The following C7orf57 variants were observed in gnomAD, a reference collection of about 807,000 sequenced individuals.
C7orf57 encodes the protein chromosome 7 open reading frame 57.
Under a neutral mutation model 39.0 loss-of-function variants are expected in C7orf57, and 33 were observed. That is an observed-to-expected ratio of 0.85 (90% confidence interval 0.64 to 1.13). C7orf57 has a LOEUF of 1.13. Ranked by LOEUF, C7orf57 falls within the 50% of genes most tolerant of loss-of-function variation. C7orf57 has a pLI of 0.00. For synonymous variants in C7orf57, 124 were observed against 137.1 expected, an observed-to-expected ratio of 0.90 and a Z score of 0.67; for missense variants, 346 against 362.3, an observed-to-expected ratio of 0.95 and a Z score of 0.37.
chr7:48,039,653 C>T (rs1205644792), intron 2 of C7orf57, among the ~76,000 whole-genome samples: 1 of 152,176 alleles, frequency 6.6e-6, no homozygotes, highest in Non-Finnish European at 1.5e-5. Flanking sequence ...TAAAATAATG[C>T]TTTACCAATA....
At position 48,052,754 on chromosome 7, in the gene C7orf57, T is replaced by G. The variant is rs748499760; in HGVS notation, c.660T>G (p.Gly220=). The G allele has an allele frequency of 1.2e-6, 2 of 1,613,908 alleles. No individual in the cohort carries two copies. Among genetic ancestry groups the G allele is most frequent in the Non-Finnish European group, 1.7e-6 (2 of 1,179,868 alleles). The part of the protein sequence containing the change: ...PTNFSKLISN[G]YKDEWLQQQQ... Reference sequence around the variant, plus strand: ...ATTTTTCCAAACTCATTAGCAATGGTTATAAGGATGAGTGGTTGCAGCAGC... The same window carrying G: ...ATTTTTCCAAACTCATTAGCAATGGGTATAAGGATGAGTGGTTGCAGCAGC... Residue 220 remains glycine (G), a synonymous_variant, in exon 7 of 9, where the codon GGT becomes GGG. Transcript: ENST00000348904.
At chr7:48,059,810 T>C (rs1791239251) in intron 8 of C7orf57, among the ~76,000 whole-genome samples, 1 of 152,228 alleles carries the variant, frequency 6.6e-6, no homozygotes, top group Admixed American at 6.5e-5. Context: ...TCAACATTAA[T>C]GAAGATTGCA....
intron 2 of C7orf57, among the ~76,000 whole-genome samples, chr7:48,038,383 T>TATATATATATAGATAGATAG (rs148010398): frequency 7.3e-5 from 11 of 150,242 alleles, no homozygotes; most frequent in African/African-American, 2.2e-4. Flanking sequence ...TCTATATACA[T>TATATATATATAGATAGATAG]ATAGATAGAT....
chr7:48,038,455 C>T (rs908697388), intron 2 of C7orf57, among the ~76,000 whole-genome samples: 1 of 152,036 alleles, frequency 6.6e-6, no homozygotes, highest in Non-Finnish European at 1.5e-5. Flanking sequence ...GGAATTGGCT[C>T]ACGTAATTGT....
At chr7:48,053,007 C>A in intron 7 of C7orf57, 84 bp downstream of exon 7, 1 of 1,085,820 alleles carries the variant, frequency 9.2e-7, no homozygotes, top group South Asian at 1.3e-5. Flanking sequence ...CATGATGCGT[C>A]TCGTAATGAG....
chr7:48,037,489 G>C (rs544424547), intron 2 of C7orf57, among the ~76,000 whole-genome samples: 1 of 152,134 alleles, frequency 6.6e-6, no homozygotes, highest in African/African-American at 2.4e-5. Context: ...GTGCCCCTGC[G>C]GGTATGTGAA....
At chr7:48,053,392 T>C (rs1023828020) in intron 7 of C7orf57, among the ~76,000 whole-genome samples, 1 of 152,088 alleles carries the variant, frequency 6.6e-6, no homozygotes, top group African/African-American at 2.4e-5. Flanking sequence ...AATTTAGAAC[T>C]TTCTCCACAA....
intron 4 of C7orf57, among the ~76,000 whole-genome samples, chr7:48,043,923 T>C (rs1048550481): frequency 1.3e-5 from 2 of 152,086 alleles, no homozygotes; most frequent in African/African-American, 2.4e-5. Flanking sequence ...TGGGCTGCTC[T>C]CAAGATGGTG....
At chr7:48,043,693 T>C (rs1469551168) in intron 4 of C7orf57, 104 bp downstream of exon 4, 3 of 874,118 alleles carry the variant, frequency 3.4e-6, no homozygotes, top group Non-Finnish European at 5.5e-6. Context: ...AGCAAGCATG[T>C]GATATGACAA....
chr7:48,055,101 C>T (rs1177690643), intron 8 of C7orf57, among the ~76,000 whole-genome samples: 1 of 152,152 alleles, frequency 6.6e-6, no homozygotes, highest in East Asian at 1.9e-4. Context: ...TGGTCTCGAT[C>T]TCCTGACCTC....
rs142902119 is a variant in C7orf57 at position 48,050,055 on chromosome 7, C to T, written c.605+78C>T. 1,147 of 942,526 alleles carry T rather than the reference C, an allele frequency of 1.2e-3. 7 individuals are homozygous for T. The African/African-American group carries it at 0.015, about 13-fold the overall frequency. The allele number at this position is 942,526 out of a possible 1,614,324, so 58.4% of individuals were successfully genotyped here. ...TCCGTCTTTCATCCGGTGATGACTG[C>T]GCTAGTGACAGCATCCACACAACTT... On this transcript the variant is annotated intron_variant, in intron 6 of 8. Transcript: ENST00000348904.
rs1297364908 is a variant in C7orf57, at chr7:48,035,580, C to T, written c.-152C>T. ...CTGCAGCCAGCCAGCCGTGTAAAAA[C>T]TCCAACGCCGGGCGCCGCGGGCAGC... On this transcript the variant is annotated 5_prime_UTR_variant, in exon 1 of 9. Coordinates refer to ENST00000348904, the MANE Select transcript of C7orf57 (RefSeq NM_001100159.3). This position sits in a 1 kb window ranked among gnomAD's most constrained non-coding sequence, Gnocchi z 4.0. 1.7e-5 allele frequency: 12 copies of T among 696,814 alleles called. No homozygotes were observed. The highest frequency in any genetic ancestry group is 2.9e-5 in the Non-Finnish European group (11 of 382,556). The allele number at this position is 696,814 out of a possible 1,614,324, so 43.2% of individuals were successfully genotyped here. A position where few individuals can be genotyped will look rare whatever the true frequency, so the allele number is the denominator to read the frequency against.
intron 5 of C7orf57, among the ~76,000 whole-genome samples, chr7:48,046,863 G>A (rs1790733182): frequency 1.3e-5 from 2 of 152,348 alleles, no homozygotes; most frequent in African/African-American, 4.8e-5. Flanking sequence ...TTTATAGATA[G>A]TTAATGCTTA....
chr7:48,051,829 T>TCTCTTCTCTTCTCTTC (rs763574970), intron 6 of C7orf57, among the ~76,000 whole-genome samples: 2 of 44,514 alleles, frequency 4.5e-5, no homozygotes, highest in Non-Finnish European at 9.3e-5. Flanking sequence ...CTTTCTTTCT[T>TCTCTTCTCTTCTCTTC]TCTTTCTTTC....
chr7:48,043,798 A>G (rs1790625101), intron 4 of C7orf57, among the ~76,000 whole-genome samples: 1 of 151,088 alleles, frequency 6.6e-6, no homozygotes. Context: ...ATTTTGTGCC[A>G]CCCTAGAGTC....
chr7:48,050,109 G>C, intron 6 of C7orf57, 132 bp downstream of exon 6: 1 of 668,700 alleles, frequency 1.5e-6, no homozygotes, highest in Non-Finnish European at 2.7e-6. Flanking sequence ...GCCTGGCCTG[G>C]CTGTGCCTGT....
intron 6 of C7orf57, among the ~76,000 whole-genome samples, 188 bp downstream of exon 6, chr7:48,050,165 C>G (rs1393576246): frequency 6.6e-6 from 1 of 152,208 alleles, no homozygotes; most frequent in Non-Finnish European, 1.5e-5. Flanking sequence ...TCATTTTGCC[C>G]CTGTTGAACA....
intron 5 of C7orf57, among the ~76,000 whole-genome samples, chr7:48,048,363 C>T (rs77149780): frequency 0.023 from 3,491 of 152,218 alleles, 81 homozygotes; most frequent in Non-Finnish European, 0.03. Flanking sequence ...TGGCCTCACA[C>T]GGGACACATG....
At chr7:48,048,201 G>A (rs1264496144) in intron 5 of C7orf57, among the ~76,000 whole-genome samples, 1 of 152,162 alleles carries the variant, frequency 6.6e-6, no homozygotes, top group Non-Finnish European at 1.5e-5. Context: ...CATGGTGTCG[G>A]GTAAGGTGCA....
Sources: allele counts gnomAD v4.1 joint callset (sites outside exome capture counted in the v4.1 genomes callset), GRCh38; gene constraint gnomAD v4.1.1; non-coding constraint Gnocchi (gnomAD v3.1); transcripts MANE v1.5; gene names NCBI Gene and HGNC (gene_info 2026-07-23, HGNC 2026-07-21).